TCF20: variants seen among roughly 807,000 people sequenced by gnomAD.
The protein encoded by TCF20 is SPRE-binding protein.
A neutral mutation model predicts 148.6 loss-of-function variants in TCF20; 3 were observed. The ratio of observed to expected loss-of-function variants is 0.02; its 90% CI spans 0.01 to 0.05. TCF20 has a LOEUF of 0.05. TCF20 is among the 10% of genes least tolerant of loss of function. The pLI, the probability that TCF20 is intolerant of heterozygous loss-of-function variation, is 1.00. For synonymous variants in TCF20, 1,049 were observed against 909.5 expected, an observed-to-expected ratio of 1.15 and a Z score of -2.76; for missense variants, 2,350 against 2,429.3, an observed-to-expected ratio of 0.97 and a Z score of 0.69.
chr22:42,293,550 G>A (rs1269166188), intron 1 of TCF20, among the ~76,000 whole-genome samples: 1 of 152,218 alleles, frequency 6.6e-6, no homozygotes, highest in Non-Finnish European at 1.5e-5. Flanking sequence ...CCCAATCTCA[G>A]GTGTCCCTGC....
intron 1 of TCF20, among the ~76,000 whole-genome samples, chr22:42,318,068 C>T (rs1927665307): frequency 1.3e-5 from 2 of 152,256 alleles, no homozygotes; most frequent in East Asian, 1.9e-4. Flanking sequence ...GCTTACCTGC[C>T]AGAGGCCCTG....
chr22:42,239,444 C>A (rs957239594), intron 1 of TCF20, among the ~76,000 whole-genome samples: 1 of 150,968 alleles, frequency 6.6e-6, no homozygotes, highest in African/African-American at 2.4e-5. Flanking sequence ...CCATTGCACT[C>A]CAGCCTGGGG....
intron 1 of TCF20, among the ~76,000 whole-genome samples, chr22:42,247,570 T>C (rs964787084): frequency 9.9e-5 from 15 of 151,962 alleles, no homozygotes; most frequent in African/African-American, 3.1e-4. Context: ...GAGATGTGGT[T>C]AGAGAGGCAG....
intron 2 of TCF20, among the ~76,000 whole-genome samples, chr22:42,185,726 T>C (rs151242072): frequency 2.0e-5 from 3 of 152,166 alleles, no homozygotes; most frequent in Non-Finnish European, 4.4e-5. Context: ...GCCAAAGCAA[T>C]ACATACATAG....
Position 42,290,907 on chromosome 22 carries a change from CCT to C in TCF20, c.-37+52570_-37+52571del, listed in dbSNP as rs1241349954. On this transcript the variant is annotated intron_variant, in intron 1 of 1. Coordinates refer to the TCF20 transcript ENST00000515426. This position sits in a 1 kb window ranked among gnomAD's most constrained non-coding sequence, Gnocchi z 4.2. Reference sequence around the variant, plus strand: ...TCTTCAGGGGCTTTGCAAAGCACCCCCTCTTACCTTACCTCGGTACAACCTCA... The same window carrying C: ...TCTTCAGGGGCTTTGCAAAGCACCCCCTTACCTTACCTCGGTACAACCTCA... Among the ~76,000 whole-genome samples the C allele has an allele frequency of 6.6e-6, 1 of 152,200 alleles. No individual in the cohort carries two copies. The highest frequency in any genetic ancestry group is 1.5e-5 in the Non-Finnish European group (1 of 68,032).
Position 42,161,378 on chromosome 22 carries a change from C to G in TCF20, c.*45-20G>C, listed in dbSNP as rs531647285. ...TCTCACCTGGAAGACAAGGGACACACAGTGAAGGCCAGGAGCCTCCACAGG... is the reference window on the plus strand; with the variant it reads ...TCTCACCTGGAAGACAAGGGACACAGAGTGAAGGCCAGGAGCCTCCACAGG... On this transcript the variant is annotated intron_variant, in intron 5 of 5. Transcript: ENST00000677622. 2.6e-5 allele frequency: 42 copies of G among 1,614,034 alleles called. No homozygotes were observed. Among genetic ancestry groups the G allele is most frequent in the Non-Finnish European group, 3.5e-5 (41 of 1,179,926 alleles).
chr22:42,171,907 G>A (rs1488900076), intron 3 of TCF20, among the ~76,000 whole-genome samples: 1 of 152,244 alleles, frequency 6.6e-6, no homozygotes, highest in East Asian at 1.9e-4. Flanking sequence ...TCAGAAAGGC[G>A]CAGGTGGCTC....
intron 1 of TCF20, among the ~76,000 whole-genome samples, chr22:42,325,355 C>T (rs574494038): frequency 3.9e-5 from 6 of 152,330 alleles, no homozygotes; most frequent in Admixed American, 6.5e-5. Flanking sequence ...TGCCTCTGCC[C>T]GGTGGCCCCC....
chr22:42,205,932 C>T (rs1420749235), intron 2 of TCF20, among the ~76,000 whole-genome samples: 3 of 152,086 alleles, frequency 2.0e-5, no homozygotes, highest in Non-Finnish European at 4.4e-5. Context: ...TCACCATGTC[C>T]AGCTAATTTT....
chr22:42,262,830 T>C (rs745674704), intron 1 of TCF20, among the ~76,000 whole-genome samples: 1 of 152,168 alleles, frequency 6.6e-6, no homozygotes, highest in Non-Finnish European at 1.5e-5. Flanking sequence ...ATTCCCCTTA[T>C]GAGAATACTT....
At chr22:42,303,678 C>T (rs1927379752) in intron 1 of TCF20, among the ~76,000 whole-genome samples, 1 of 152,220 alleles carries the variant, frequency 6.6e-6, no homozygotes, top group Non-Finnish European at 1.5e-5. Flanking sequence ...GCCCTGCCCA[C>T]ACATTCACCA....
chr22:42,238,967 A>C, intron 1 of TCF20, among the ~76,000 whole-genome samples: 1 of 151,538 alleles, frequency 6.6e-6, no homozygotes, highest in African/African-American at 2.4e-5. Flanking sequence ...AATACAAAAA[A>C]ATTAGCCAGG....
chr22:42,263,255 C>T (rs1479364017), intron 1 of TCF20, among the ~76,000 whole-genome samples: 1 of 152,208 alleles, frequency 6.6e-6, no homozygotes, highest in Admixed American at 6.5e-5. Context: ...CCTCTCACAT[C>T]ACTACCAAAG....
At chr22:42,257,926 C>G (rs1255455812) in intron 1 of TCF20, among the ~76,000 whole-genome samples, 1 of 152,196 alleles carries the variant, frequency 6.6e-6, no homozygotes, top group African/African-American at 2.4e-5. Context: ...AACTATACAG[C>G]TAGTGCTACA....
chr22:42,325,361 C>T (rs541898637), intron 1 of TCF20, among the ~76,000 whole-genome samples: 8 of 152,334 alleles, frequency 5.3e-5, no homozygotes, highest in African/African-American at 1.4e-4. Flanking sequence ...TGCCCGGTGG[C>T]CCCCACTCAG....
upstream of TCF20, among the ~76,000 whole-genome samples, chr22:42,286,269 C>T (rs144402130): frequency 1.2e-3 from 182 of 152,362 alleles, 1 homozygote; most frequent in Non-Finnish European, 2.0e-3. Flanking sequence ...CTGATCCACA[C>T]AGTGCATACT....
At chr22:42,193,739 A>G (rs1044087411) in intron 2 of TCF20, among the ~76,000 whole-genome samples, 2 of 152,124 alleles carry the variant, frequency 1.3e-5, no homozygotes, top group Non-Finnish European at 2.9e-5. Context: ...TTAGGGGCTA[A>G]GTGATGTTAT....
chr22:42,321,424 G>A (rs1331980911), intron 1 of TCF20, among the ~76,000 whole-genome samples: 1 of 151,654 alleles, frequency 6.6e-6, no homozygotes, highest in Non-Finnish European at 1.5e-5. Flanking sequence ...CACCCTAAGG[G>A]CCCAGGACCC....
At chr22:42,243,684 T>C (rs150345479) in intron 1 of TCF20, among the ~76,000 whole-genome samples, 69 of 152,230 alleles carry the variant, frequency 4.5e-4, no homozygotes, top group African/African-American at 1.5e-3. Flanking sequence ...GTGTAGCAAA[T>C]GCACCACACT....
Sources: gnomAD v4.1 joint callset for allele counts (sites outside exome capture counted in the v4.1 genomes callset) on GRCh38, gnomAD v4.1.1 for gene constraint, Gnocchi (gnomAD v3.1) non-coding constraint, MANE v1.5 for transcripts, NCBI Gene and HGNC (gene_info 2026-07-23, HGNC 2026-07-21) for gene names.